Variants in ABI3BP observed in about 807,000 individuals in gnomAD.
ABI3BP encodes the protein ABI family member 3 binding protein, also known as target of Nesh-SH3.
ABI3BP carries 216 observed loss-of-function variants against 268.6 expected under a neutral mutation model. That is an observed-to-expected ratio of 0.80 (90% CI 0.72 to 0.90). The LOEUF is 0.90. Ranked by LOEUF, ABI3BP falls within the 40% of genes least tolerant of loss-of-function variation. The probability of loss-of-function intolerance (pLI) is 0.00; values close to 1 mark genes in which losing one functional copy is unlikely to be tolerated. For synonymous variants in ABI3BP, 730 were observed against 730.0 expected (o/e 1.00, Z 0.00); for missense variants, 2,090 against 2,182.4 (o/e 0.96, Z 0.84).
At chr3:100,956,440 C>T (rs141038805) in intron 1 of ABI3BP, among the ~76,000 whole-genome samples, 3 of 152,216 alleles carry the variant, frequency 2.0e-5, no homozygotes, top group Non-Finnish European at 2.9e-5. Context: ...CAGGTCAATT[C>T]GTTAAATTGT....
rs144610800 is a variant in ABI3BP, at chr3:100,750,202, C to CAACA, written c.*289_*292dup. 0.028 allele frequency: 7,200 copies of CAACA among 256,196 alleles called. 402 individuals are homozygous for CAACA. Among genetic ancestry groups the CAACA allele is most frequent in the African/African-American group, 0.13 (5,863 of 45,150 alleles). The allele number at this position is 256,196 out of a possible 1,614,324, so 15.9% of individuals were successfully genotyped here. On this transcript the variant is annotated 3_prime_UTR_variant, in exon 68 of 68. Transcript: ENST00000471714. Reference sequence around the variant, plus strand: ...ATAAAAGTATCTCAAAACATCATTACAACAGTGTGATAAATAATATACAAA... The same window carrying CAACA: ...ATAAAAGTATCTCAAAACATCATTACAACAAACAGTGTGATAAATAATATACAAA...
intron 14 of ABI3BP, among the ~76,000 whole-genome samples, chr3:100,860,618 T>A (rs556096629): frequency 6.6e-6 from 1 of 152,340 alleles, no homozygotes; most frequent in South Asian, 2.1e-4. Context: ...CACTCCCCAA[T>A]GCTTGGTTCA....
chr3:100,777,545 A>G (rs2096740745), intron 59 of ABI3BP, among the ~76,000 whole-genome samples: 1 of 152,240 alleles, frequency 6.6e-6, no homozygotes, highest in Admixed American at 6.5e-5. Flanking sequence ...AAAGTATGCA[A>G]ACAAACAGGT....
intron 2 of ABI3BP, among the ~76,000 whole-genome samples, chr3:100,916,864 C>T (rs2058756937): frequency 6.6e-6 from 1 of 152,098 alleles, no homozygotes; most frequent in Non-Finnish European, 1.5e-5. Context: ...CATCTGGGGA[C>T]CATGCTAAGA....
At position 100,794,932 on chromosome 3, in the gene ABI3BP, T is replaced by C. The variant is rs778809072; in HGVS notation, c.3937A>G (p.Thr1313Ala). The C allele has an allele frequency of 1.3e-6, 2 of 1,567,208 alleles. No individual in the cohort carries two copies. The highest frequency in any genetic ancestry group is 2.4e-5 in the South Asian group (2 of 84,802). The change falls in exon 54 of 68, where the codon ACC (threonine) becomes GCC (alanine). Residue 1313 changes from threonine (T) to alanine (A), a missense_variant. Physicochemically the swap from Thr to Ala is moderately conservative, Grantham distance 58 (BLOSUM62 0). Coordinates refer to ENST00000471714, the MANE Select transcript of ABI3BP (RefSeq NM_001375547.2). Reference sequence around the variant, plus strand: ...TTAAAACGAAATTTACCCAGAGTGGTCTGTAGTTCCTCTTGACTAGGACTT... The same window carrying C: ...TTAAAACGAAATTTACCCAGAGTGGCCTGTAGTTCCTCTTGACTAGGACTT... ...SPSPSQEELQ[T>A]TLEETDQSTQ...
At chr3:100,909,343 G>C (rs1052810436) in intron 2 of ABI3BP, among the ~76,000 whole-genome samples, 2 of 151,828 alleles carry the variant, frequency 1.3e-5, no homozygotes, top group African/African-American at 4.8e-5. Flanking sequence ...CAGGACATAG[G>C]CATGGGCAAA....
intron 2 of ABI3BP, among the ~76,000 whole-genome samples, chr3:100,907,525 C>A (rs2053991264): frequency 6.6e-6 from 1 of 151,868 alleles, no homozygotes; most frequent in African/African-American, 2.4e-5. Flanking sequence ...AATGTCAACA[C>A]AAGAAGTATG....
At chr3:100,846,564 C>G in intron 19 of ABI3BP, 118 bp from the exon 20 acceptor site, 1 of 648,314 alleles carries the variant, frequency 1.5e-6, no homozygotes, top group South Asian at 2.7e-5. Context: ...AACTCATCGT[C>G]TTGGAAGATT....
At chr3:100,967,806 G>A (rs1032111691) in intron 1 of ABI3BP, among the ~76,000 whole-genome samples, 57 of 152,016 alleles carry the variant, frequency 3.7e-4, no homozygotes, top group African/African-American at 1.2e-3. Context: ...ATTTTAATCT[G>A]CAAATAGACA....
intron 9 of ABI3BP, among the ~76,000 whole-genome samples, chr3:100,871,887 A>G (rs935399463): frequency 2.0e-5 from 3 of 152,202 alleles, no homozygotes; most frequent in African/African-American, 7.2e-5. Context: ...CCCAGGCTGT[A>G]GTACAGTGGT....
intron 7 of ABI3BP, 149 bp downstream of exon 7, chr3:100,876,363 C>T (rs1350271411): frequency 4.3e-6 from 3 of 695,058 alleles, no homozygotes; most frequent in Non-Finnish European, 7.0e-6. Flanking sequence ...CATTAACTTC[C>T]AGTTTACTAG....
intron 2 of ABI3BP, among the ~76,000 whole-genome samples, chr3:100,907,877 A>G (rs185132230): frequency 5.3e-4 from 81 of 152,254 alleles, no homozygotes; most frequent in African/African-American, 1.8e-3. Context: ...GCACTTTGGG[A>G]GGCCTAGGCG....
At chr3:100,795,256 G>A (rs1485580497) in intron 53 of ABI3BP, among the ~76,000 whole-genome samples, 1 of 152,028 alleles carries the variant, frequency 6.6e-6, no homozygotes, top group Non-Finnish European at 1.5e-5. Flanking sequence ...GAGATGGGGT[G>A]TGGGTTAGAC....
chr3:100,787,832 T>C, intron 56 of ABI3BP, 30 bp from the exon 57 acceptor site: 1 of 1,431,736 alleles, frequency 7.0e-7, no homozygotes, highest in Non-Finnish European at 9.2e-7. Flanking sequence ...AAATAGTTCA[T>C]TTTCTTATTG....
chr3:100,833,927 G>GTTTA (rs1051006803), intron 29 of ABI3BP, among the ~76,000 whole-genome samples: 17 of 152,170 alleles, frequency 1.1e-4, no homozygotes, highest in African/African-American at 3.9e-4. Flanking sequence ...TCCTGCCTCT[G>GTTTA]TTTATATGAT....
In ABI3BP at chr3:100,848,789, A is replaced by AAAAAAAAAAAAAAT; in HGVS notation, c.1576+11_1576+12insATTTTTTTTTTTTT. 6.2e-7 allele frequency: 1 copy of AAAAAAAAAAAAAAT among 1,604,772 alleles called. No homozygotes were observed. ...GGAATTACATATCATGTAAATATAA[A>AAAAAAAAAAAAAAT]GAGACATTTACCAGGTTTGGTTCTT... is the stretch of plus-strand genomic sequence containing the variant. On this transcript the variant is annotated intron_variant, in intron 18 of 67. Coordinates refer to ENST00000471714, the MANE Select transcript of ABI3BP (RefSeq NM_001375547.2).
chr3:100,866,730 C>T (rs537640559), intron 10 of ABI3BP, 149 bp downstream of exon 10: 84 of 626,536 alleles, frequency 1.3e-4, no homozygotes, highest in Admixed American at 2.0e-4. Flanking sequence ...TTTTCCCAAA[C>T]GTTAGAGACC....
chr3:100,882,997 C>A (rs1323332467), intron 6 of ABI3BP, among the ~76,000 whole-genome samples: 1 of 152,044 alleles, frequency 6.6e-6, no homozygotes, highest in Non-Finnish European at 1.5e-5. Flanking sequence ...TACAGCAGAT[C>A]TACGTTTCCT....
Position 100,847,614 on chromosome 3 carries a change from A to G in ABI3BP, c.1636T>C (p.Trp546Arg), listed in dbSNP as rs1489756784. 6.2e-7 allele frequency: 1 copy of G among 1,612,960 alleles called. No homozygotes were observed. Among genetic ancestry groups the G allele is most frequent in the African/African-American group, 1.3e-5 (1 of 74,904 alleles). Reference sequence around the variant, plus strand: ...ATATCATTATTACCCGGTGTTGTCCATGTAGGTTCAGGGCTTTTAGAAATT... The same window carrying G: ...ATATCATTATTACCCGGTGTTGTCCGTGTAGGTTCAGGGCTTTTAGAAATT... ...PKISKSPEPT[W>R]TTPAPGKTQF... The change falls in exon 19 of 68, where the codon TGG becomes CGG. Residue 546 changes from tryptophan to arginine, a missense_variant. By Grantham distance (101) the Trp-to-Arg change is moderately radical. Transcript: ENST00000471714.
Sources: allele counts gnomAD v4.1 joint callset (sites outside exome capture counted in the v4.1 genomes callset), GRCh38; gene constraint gnomAD v4.1.1; transcripts MANE v1.5; gene names NCBI Gene and HGNC (gene_info 2026-07-23, HGNC 2026-07-21).